The following DIS3L2 variants were observed in gnomAD, a reference collection of about 807,000 sequenced individuals.
The protein encoded by DIS3L2 is DIS3 like 3'-5' exoribonuclease 2.
In DIS3L2, 34 loss-of-function variants were observed where a neutral mutation model predicts 97.5. The ratio of observed to expected loss-of-function variants is 0.35; its 90% CI spans 0.27 to 0.46. The LOEUF is 0.46. DIS3L2 is among the 20% of genes least tolerant of loss of function. DIS3L2 has a pLI of 1.00. For synonymous variants in DIS3L2, 435 were observed against 445.2 expected (o/e 0.98, Z 0.29); for missense variants, 1,038 against 1,146.0 (o/e 0.91, Z 1.36).
At chr2:232,183,978 GGAGA>G (rs1691365307) in intron 9 of DIS3L2, among the ~76,000 whole-genome samples, 1 of 152,166 alleles carries the variant, frequency 6.6e-6, no homozygotes, top group Admixed American at 6.5e-5. Flanking sequence ...TTTTAAGGCT[GGAGA>G]GAGAGATAGA....
At chr2:231,969,571 A>G (rs1020017029) in intron 1 of DIS3L2, among the ~76,000 whole-genome samples, 1 of 152,130 alleles carries the variant, frequency 6.6e-6, no homozygotes, top group Admixed American at 6.5e-5. Flanking sequence ...TCAGCCTCCC[A>G]AAGTGCTGGG....
intron 13 of DIS3L2, among the ~76,000 whole-genome samples, chr2:232,288,809 G>T (rs1559194469): frequency 6.6e-6 from 1 of 152,112 alleles, no homozygotes; most frequent in Non-Finnish European, 1.5e-5. Flanking sequence ...ATATTTTTAT[G>T]TATGTTTGGC....
At chr2:231,976,670 A>G (rs1049112718) in intron 1 of DIS3L2, among the ~76,000 whole-genome samples, 3 of 151,610 alleles carry the variant, frequency 2.0e-5, no homozygotes, top group Non-Finnish European at 4.4e-5. Flanking sequence ...ATTGTAATAC[A>G]CCTACTGAAC....
chr2:232,334,243 C>T (rs1695865784), intron 17 of DIS3L2, 126 bp from the exon 18 acceptor site: 1 of 1,315,998 alleles, frequency 7.6e-7, no homozygotes. Context: ...TTCTGCTGCC[C>T]TGGGAGCTGG....
chr2:232,036,874 T>C (rs1363458945), intron 5 of DIS3L2, among the ~76,000 whole-genome samples: 1 of 152,206 alleles, frequency 6.6e-6, no homozygotes, highest in Non-Finnish European at 1.5e-5. Flanking sequence ...CAAAGATTGC[T>C]GCCTCCTCCT....
At chr2:232,019,166 G>C (rs1334519920) in intron 3 of DIS3L2, among the ~76,000 whole-genome samples, 1 of 152,160 alleles carries the variant, frequency 6.6e-6, no homozygotes, top group Admixed American at 6.5e-5. Context: ...ATAGAATATT[G>C]GTGTGAAGTT....
intron 6 of DIS3L2, among the ~76,000 whole-genome samples, chr2:232,108,610 C>G (rs1264253779): frequency 2.0e-5 from 3 of 152,184 alleles, no homozygotes; most frequent in Non-Finnish European, 4.4e-5. Flanking sequence ...GGAAGTCAAA[C>G]TATCTTTGTT....
intron 9 of DIS3L2, among the ~76,000 whole-genome samples, chr2:232,194,018 G>A (rs937852463): frequency 9.9e-5 from 15 of 152,142 alleles, no homozygotes; most frequent in Non-Finnish European, 1.9e-4. Context: ...GCTGAGGCAT[G>A]AGAATTGCTT....
intron 13 of DIS3L2, among the ~76,000 whole-genome samples, chr2:232,297,140 A>G (rs1357193789): frequency 6.6e-6 from 1 of 152,056 alleles, no homozygotes; most frequent in Admixed American, 6.6e-5. Context: ...TCATCATCTC[A>G]TTGGGCTACT....
At chr2:231,964,479 A>G (rs530211403) in intron 1 of DIS3L2, among the ~76,000 whole-genome samples, 6 of 152,214 alleles carry the variant, frequency 3.9e-5, no homozygotes, top group Non-Finnish European at 5.9e-5. Context: ...ACTTCAGAAG[A>G]CACTATGGCA....
chr2:232,174,294 A>G (rs1214373175), intron 9 of DIS3L2, among the ~76,000 whole-genome samples: 2 of 152,082 alleles, frequency 1.3e-5, no homozygotes, highest in Non-Finnish European at 2.9e-5. Context: ...CCTTACAAAA[A>G]TCATTTGTTG....
intron 10 of DIS3L2, among the ~76,000 whole-genome samples, chr2:232,225,628 G>T (rs7574893): frequency 0.93 from 141,695 of 152,246 alleles, 66,088 homozygotes; most frequent in Middle Eastern, 0.99. Flanking sequence ...ATTCTATTTC[G>T]TGGAACTGGG....
At chr2:232,050,097 ATTGGTTGT>A (rs753916971) in intron 5 of DIS3L2, among the ~76,000 whole-genome samples, 170 of 152,002 alleles carry the variant, frequency 1.1e-3, no homozygotes, top group Non-Finnish European at 2.9e-4. Flanking sequence ...ACCTGTTTTC[ATTGGTTGT>A]TTGCTTAGTT....
intron 14 of DIS3L2, among the ~76,000 whole-genome samples, chr2:232,308,030 T>C (rs1379593261): frequency 6.6e-6 from 1 of 152,330 alleles, no homozygotes; most frequent in East Asian, 1.9e-4. Context: ...GAAGGCTGTC[T>C]GGGAAATCCT....
intron 9 of DIS3L2, among the ~76,000 whole-genome samples, chr2:232,201,619 A>G (rs1691895747): frequency 6.6e-6 from 1 of 152,266 alleles, no homozygotes; most frequent in East Asian, 1.9e-4. Context: ...AGGAACAGTC[A>G]AAGACATTTA....
chr2:232,134,854 A>G, intron 7 of DIS3L2, among the ~76,000 whole-genome samples: 1 of 151,776 alleles, frequency 6.6e-6, no homozygotes, highest in Non-Finnish European at 1.5e-5. Flanking sequence ...TGCATGTGGT[A>G]TTGGTATTGT....
chr2:232,021,597 A>G (rs1368420695), intron 3 of DIS3L2, among the ~76,000 whole-genome samples: 3 of 152,090 alleles, frequency 2.0e-5, no homozygotes, highest in Non-Finnish European at 2.9e-5. Context: ...AAGTCCCAAA[A>G]ATATATATAG....
intron 9 of DIS3L2, among the ~76,000 whole-genome samples, chr2:232,204,398 C>T (rs1691974049): frequency 1.3e-5 from 2 of 152,142 alleles, no homozygotes; most frequent in South Asian, 4.1e-4. Flanking sequence ...TGTTCATTCC[C>T]AGACCAATGG....
At chr2:232,226,451 C>A (rs1277115202) in intron 10 of DIS3L2, among the ~76,000 whole-genome samples, 1 of 152,170 alleles carries the variant, frequency 6.6e-6, no homozygotes, top group Non-Finnish European at 1.5e-5. Context: ...TAGTACCTAC[C>A]TCATAGAACT....
Sources: gnomAD v4.1 joint callset for allele counts (sites outside exome capture counted in the v4.1 genomes callset) on GRCh38, gnomAD v4.1.1 for gene constraint, MANE v1.5 for transcripts, NCBI Gene and HGNC (gene_info 2026-07-23, HGNC 2026-07-21) for gene names.